Variants in DGKB observed in about 807,000 individuals in gnomAD.
The protein encoded by DGKB is 90 kDa diacylglycerol kinase.
DGKB carries 67 observed loss-of-function variants against 114.3 expected under a neutral mutation model. The ratio of observed to expected loss-of-function variants is 0.59; its 90% CI spans 0.48 to 0.72. The LOEUF (loss-of-function observed/expected upper bound fraction) is 0.72, where lower values mean the gene tolerates loss of function less well. DGKB is among the 30% of genes least tolerant of loss of function. The probability of loss-of-function intolerance (pLI) is 0.00; values close to 1 mark genes in which losing one functional copy is unlikely to be tolerated. For synonymous variants in DGKB, 398 were observed against 323.1 expected (o/e 1.23, Z -2.49); for missense variants, 907 against 975.2 (o/e 0.93, Z 0.93).
At chr7:14,720,920 C>A (rs1829067870) in intron 5 of DGKB, among the ~76,000 whole-genome samples, 1 of 151,118 alleles carries the variant, frequency 6.6e-6, no homozygotes, top group East Asian at 1.9e-4. Flanking sequence ...CAGGAATAAG[C>A]AGTTCCAACT....
chr7:14,515,923 C>T (rs1354754678), intron 20 of DGKB, among the ~76,000 whole-genome samples: 1 of 152,120 alleles, frequency 6.6e-6, no homozygotes, highest in Non-Finnish European at 1.5e-5. Context: ...TGACTCTCTG[C>T]AGCCTTGACC....
chr7:14,873,568 G>T (rs947893966), intron 1 of DGKB, among the ~76,000 whole-genome samples: 2 of 151,780 alleles, frequency 1.3e-5, no homozygotes, highest in African/African-American at 4.8e-5. Context: ...GGTGGAAAAA[G>T]ATTCAAATCA....
At chr7:14,188,648 A>G (rs1783831373) in intron 23 of DGKB, among the ~76,000 whole-genome samples, 1 of 100,410 alleles carries the variant, frequency 1.0e-5, no homozygotes, top group Non-Finnish European at 2.0e-5. Context: ...CGACAAAGCG[A>G]GACTCCGTCT....
intron 21 of DGKB, among the ~76,000 whole-genome samples, chr7:14,449,388 C>CAGAA (rs1831159551): frequency 6.6e-6 from 1 of 151,956 alleles, no homozygotes. Context: ...GTCTGTAAGC[C>CAGAA]TTCTGGGATA....
chr7:14,498,954 A>G (rs76692258), intron 20 of DGKB, among the ~76,000 whole-genome samples: 4,188 of 151,734 alleles, frequency 0.028, 184 homozygotes, highest in African/African-American at 0.096. Flanking sequence ...GTGTGTAAAC[A>G]TGAAGGATTT....
intron 23 of DGKB, among the ~76,000 whole-genome samples, chr7:14,303,277 C>T (rs941502425): frequency 3.3e-5 from 5 of 152,052 alleles, no homozygotes; most frequent in African/African-American, 1.2e-4. Context: ...TTCATTTTTA[C>T]TTGAGGAATT....
At chr7:14,646,231 T>C (rs1028538024) in intron 13 of DGKB, among the ~76,000 whole-genome samples, 3 of 152,120 alleles carry the variant, frequency 2.0e-5, no homozygotes, top group African/African-American at 7.2e-5. Context: ...TATATTTGTA[T>C]CAGACAAAGT....
chr7:14,178,422 A>G (rs893940873), intron 23 of DGKB, among the ~76,000 whole-genome samples: 1 of 152,054 alleles, frequency 6.6e-6, no homozygotes, highest in Non-Finnish European at 1.5e-5. Context: ...AAAAAAAAAA[A>G]AAAAAACCCA....
Position 14,423,443 on chromosome 7 carries a change from AT to A in DGKB, c.1835+54717del, listed in dbSNP as rs1301686419. ...GGTTTTAAACGGTCTCCTAACTATT[AT>A]ACTTTTAGATTTTACAAAATGAGTG... On this transcript the variant is annotated intron_variant, in intron 21 of 25. Transcript: ENST00000402815. Among the ~76,000 whole-genome samples the A allele has an allele frequency of 9.2e-5, 14 of 152,196 alleles. 3 individuals are homozygous for A. In the East Asian group the frequency reaches 9.7e-4, roughly 11 times the overall value.
chr7:14,256,076 A>T (rs1795926898), intron 23 of DGKB, among the ~76,000 whole-genome samples: 1 of 152,098 alleles, frequency 6.6e-6, no homozygotes, highest in Admixed American at 6.6e-5. Flanking sequence ...ATACTGGCCA[A>T]GTTTTGTCTA....
At chr7:14,442,099 C>A (rs890000997) in intron 21 of DGKB, among the ~76,000 whole-genome samples, 1 of 151,918 alleles carries the variant, frequency 6.6e-6, no homozygotes, top group African/African-American at 2.4e-5. Flanking sequence ...TACTTTGTAA[C>A]AAATTTAAAT....
chr7:14,242,893 G>A (rs73067896), intron 23 of DGKB, among the ~76,000 whole-genome samples: 8,620 of 147,932 alleles, frequency 0.058, 451 homozygotes, highest in East Asian at 0.2. Flanking sequence ...AGTATGTGAC[G>A]CTTTCTGAGT....
At chr7:14,776,586 C>G (rs913273208) in intron 2 of DGKB, among the ~76,000 whole-genome samples, 39 of 152,352 alleles carry the variant, frequency 2.6e-4, no homozygotes, top group Admixed American at 6.5e-4. Flanking sequence ...AGCCCGAAGC[C>G]TTGTTAGCTT....
intron 1 of DGKB, among the ~76,000 whole-genome samples, chr7:14,939,233 A>T (rs1785430782): frequency 6.6e-6 from 1 of 152,150 alleles, no homozygotes; most frequent in Non-Finnish European, 1.5e-5. Context: ...CTTATTGTAT[A>T]TGTTTTATAA....
chr7:14,209,861 T>C (rs1241765889), intron 23 of DGKB, among the ~76,000 whole-genome samples: 1 of 150,958 alleles, frequency 6.6e-6, no homozygotes, highest in Admixed American at 6.6e-5. Flanking sequence ...TTAAGCTATC[T>C]GGCAAATTGA....
At chr7:14,478,088 G>A in intron 21 of DGKB, 73 bp downstream of exon 21, 1 of 974,530 alleles carries the variant, frequency 1.0e-6, no homozygotes. Context: ...AAAATATTCT[G>A]TACCATCTAG....
At chr7:14,582,141 G>T (rs542437321) in intron 18 of DGKB, among the ~76,000 whole-genome samples, 2 of 152,008 alleles carry the variant, frequency 1.3e-5, no homozygotes, top group South Asian at 2.1e-4. Flanking sequence ...GAATCAATTC[G>T]TTTTATGAAA....
At chr7:14,422,827 C>A (rs914276709) in intron 21 of DGKB, among the ~76,000 whole-genome samples, 1 of 151,792 alleles carries the variant, frequency 6.6e-6, no homozygotes, top group African/African-American at 2.4e-5. Context: ...GAAATAACAA[C>A]AATACAAAGA....
chr7:14,383,918 G>T (rs536240771), intron 21 of DGKB, among the ~76,000 whole-genome samples: 1 of 152,314 alleles, frequency 6.6e-6, no homozygotes, highest in African/African-American at 2.4e-5. Context: ...CAGAGGACAT[G>T]TTAATTGGCA....
Sources: gnomAD v4.1 joint callset for allele counts (sites outside exome capture counted in the v4.1 genomes callset) on GRCh38, gnomAD v4.1.1 for gene constraint, MANE v1.5 for transcripts, NCBI Gene and HGNC (gene_info 2026-07-23, HGNC 2026-07-21) for gene names.